Variants in DPY19L2 observed in about 807,000 individuals in gnomAD.
The protein encoded by DPY19L2 is dpy-19 like 2.
Under a neutral mutation model 97.9 loss-of-function variants are expected in DPY19L2, and 34 were observed. The ratio of observed to expected loss-of-function variants is 0.35; its 90% CI spans 0.26 to 0.46. The LOEUF is 0.46. Among genes scored for constraint, DPY19L2 ranks in the 20% least tolerant of loss-of-function variants. The pLI is 1.00. For missense variants in DPY19L2, 623 were observed against 911.4 expected (o/e 0.68, Z 4.07); for synonymous variants, 230 against 307.9 (o/e 0.75, Z 2.65).
intron 12 of DPY19L2, among the ~76,000 whole-genome samples, chr12:63,600,611 C>CTT (rs71434019): frequency 0.019 from 2,110 of 110,530 alleles, 96 homozygotes; most frequent in African/African-American, 0.065. Context: ...TATCCTAAAT[C>CTT]TTTTTTTTTT....
At chr12:63,602,994 A>G (rs1018319136) in intron 12 of DPY19L2, among the ~76,000 whole-genome samples, 3 of 152,312 alleles carry the variant, frequency 2.0e-5, no homozygotes, top group Non-Finnish European at 2.9e-5. Context: ...GACAGACTCA[A>G]TTTATGCTAC....
chr12:63,580,001 A>AATTATAGTACATAATG (rs1433526236), intron 19 of DPY19L2, among the ~76,000 whole-genome samples: 1 of 152,154 alleles, frequency 6.6e-6, no homozygotes, highest in Non-Finnish European at 1.5e-5. Context: ...AGAAAATGTT[A>AATTATAGTACATAATG]TAGACTTATT....
At chr12:63,593,264 A>G (rs1337095686) in intron 16 of DPY19L2, among the ~76,000 whole-genome samples, 1 of 152,188 alleles carries the variant, frequency 6.6e-6, no homozygotes, top group Non-Finnish European at 1.5e-5. Context: ...TAGAAATACC[A>G]TTTGACCCAG....
At chr12:63,634,437 CTGGGGCT>C (rs1418921907) in intron 6 of DPY19L2, among the ~76,000 whole-genome samples, 1 of 152,136 alleles carries the variant, frequency 6.6e-6, no homozygotes, top group Non-Finnish European at 1.5e-5. Flanking sequence ...GTTCATCTCA[CTGGGGCT>C]TGTCCAATAG....
chr12:63,663,534 A>G (rs1488379086), intron 3 of DPY19L2, among the ~76,000 whole-genome samples: 2 of 152,134 alleles, frequency 1.3e-5, no homozygotes, highest in East Asian at 3.8e-4. Flanking sequence ...ATTATAATTC[A>G]TCTTTATTAT....
At chr12:63,608,064 T>C (rs1373290802) in intron 12 of DPY19L2, among the ~76,000 whole-genome samples, 4 of 152,178 alleles carry the variant, frequency 2.6e-5, no homozygotes, top group African/African-American at 9.7e-5. Context: ...GGAGGTAATA[T>C]GGGCCATCCA....
intron 9 of DPY19L2, chr12:63,620,083 T>C (rs1235354559): frequency 2.5e-5 from 10 of 399,824 alleles, no homozygotes; most frequent in African/African-American, 1.7e-4. Flanking sequence ...ACTTCCAATA[T>C]AGAATATTAT....
At chr12:63,663,733 A>T in intron 3 of DPY19L2, 25 bp downstream of exon 3, 3 of 1,573,092 alleles carry the variant, frequency 1.9e-6, no homozygotes, top group Non-Finnish European at 2.6e-6. Context: ...ACCACAAATT[A>T]ATTCATTAGA....
intron 16 of DPY19L2, 200 bp from the exon 17 acceptor site, chr12:63,584,036 T>C: frequency 1.9e-6 from 1 of 513,760 alleles, no homozygotes; most frequent in Non-Finnish European, 3.5e-6. Flanking sequence ...ATAGTCATCC[T>C]ATTCAAGATA....
chr12:63,569,688 G>A (rs1440707359), intron 20 of DPY19L2, among the ~76,000 whole-genome samples: 2 of 152,144 alleles, frequency 1.3e-5, no homozygotes, highest in African/African-American at 4.8e-5. Flanking sequence ...GAGACTGAAT[G>A]TAGTGAAAAA....
intron 16 of DPY19L2, among the ~76,000 whole-genome samples, chr12:63,588,818 A>G (rs1882297743): frequency 1.4e-5 from 2 of 143,110 alleles, no homozygotes; most frequent in South Asian, 4.3e-4. Context: ...CGGTGGCGCG[A>G]TCTCAGCTCA....
chr12:63,599,525 ATAC>A (rs1313678667), intron 13 of DPY19L2, among the ~76,000 whole-genome samples: 2 of 152,164 alleles, frequency 1.3e-5, no homozygotes, highest in Non-Finnish European at 2.9e-5. Context: ...TAGAGAAGTA[ATAC>A]TATAATCCCT....
intron 4 of DPY19L2, among the ~76,000 whole-genome samples, chr12:63,652,474 T>C (rs1894387770): frequency 6.6e-6 from 1 of 152,146 alleles, no homozygotes. Context: ...CATGCACATG[T>C]ATGTTCACTG....
At chr12:63,600,787 G>GTTTT (rs71086688) in intron 12 of DPY19L2, among the ~76,000 whole-genome samples, 1 of 133,056 alleles carries the variant, frequency 7.5e-6, no homozygotes, top group Non-Finnish European at 1.6e-5. Context: ...TCTAAAGGAA[G>GTTTT]TTTTTTTTTT....
chr12:63,653,631 T>C (rs1338044082), intron 4 of DPY19L2, among the ~76,000 whole-genome samples: 2 of 152,142 alleles, frequency 1.3e-5, no homozygotes, highest in East Asian at 3.9e-4. Flanking sequence ...GCAAAAGTTA[T>C]AAACCTAAAT....
At chr12:63,588,745 C>CTTTTTTTTTT (rs913709153) in intron 16 of DPY19L2, among the ~76,000 whole-genome samples, 56 of 129,896 alleles carry the variant, frequency 4.3e-4, no homozygotes, top group East Asian at 1.6e-3. Context: ...AGGAAACTTT[C>CTTTTTTTTTT]TTTTTTTTTT....
chr12:63,573,924 TA>T (rs1369431877), intron 19 of DPY19L2, among the ~76,000 whole-genome samples: 1 of 151,962 alleles, frequency 6.6e-6, no homozygotes, highest in Non-Finnish European at 1.5e-5. Flanking sequence ...TAAGAAATGC[TA>T]AAGGGAGATC....
At chr12:63,607,543 C>A (rs1886261520) in intron 12 of DPY19L2, among the ~76,000 whole-genome samples, 2 of 152,192 alleles carry the variant, frequency 1.3e-5, no homozygotes, top group Non-Finnish European at 2.9e-5. Context: ...ATGCCTCCAA[C>A]AAGGAGAAAA....
chr12:63,662,294 T>C (rs1895778527), intron 3 of DPY19L2, among the ~76,000 whole-genome samples: 1 of 152,152 alleles, frequency 6.6e-6, no homozygotes, highest in Non-Finnish European at 1.5e-5. Context: ...TATGCTATAA[T>C]CATATCTGCC....
Sources: gnomAD v4.1 joint callset for allele counts (sites outside exome capture counted in the v4.1 genomes callset) on GRCh38, gnomAD v4.1.1 for gene constraint, MANE v1.5 for transcripts, NCBI Gene and HGNC (gene_info 2026-07-23, HGNC 2026-07-21) for gene names.